Variants in NDST4 observed in about 807,000 individuals in gnomAD.
NDST4 encodes the protein N-deacetylase and N-sulfotransferase 4, also known as N-heparan sulfate sulfotransferase 4.
NDST4 carries 63 observed loss-of-function variants against 100.8 expected under a neutral mutation model. That is an observed-to-expected ratio of 0.62 (90% CI 0.51 to 0.77). The LOEUF is 0.77. Among genes scored for constraint, NDST4 ranks in the 30% least tolerant of loss-of-function variants. The pLI is 0.00. For missense variants in NDST4, 943 were observed against 1,018.4 expected, an observed-to-expected ratio of 0.93 and a Z score of 1.01; for synonymous variants, 377 against 361.8, an observed-to-expected ratio of 1.04 and a Z score of -0.48.
chr4:115,085,213 G>A (rs1363366928), intron 1 of NDST4, among the ~76,000 whole-genome samples: 4 of 152,128 alleles, frequency 2.6e-5, no homozygotes, highest in Non-Finnish European at 5.9e-5. Flanking sequence ...TTTGGTCAAA[G>A]TCTCCCATTT....
intron 7 of NDST4, among the ~76,000 whole-genome samples, chr4:114,857,149 T>G (rs1222452343): frequency 6.6e-6 from 1 of 152,186 alleles, no homozygotes; most frequent in African/African-American, 2.4e-5. Flanking sequence ...TGGCAAGTAC[T>G]TGAAAAGAAT....
At chr4:115,003,542 G>T (rs1402573389) in intron 2 of NDST4, among the ~76,000 whole-genome samples, 3 of 152,020 alleles carry the variant, frequency 2.0e-5, no homozygotes, top group Non-Finnish European at 4.4e-5. Flanking sequence ...AAATTTTTAA[G>T]AATAAATTTA....
chr4:115,015,783 C>T (rs758795724), intron 2 of NDST4, among the ~76,000 whole-genome samples: 1 of 152,102 alleles, frequency 6.6e-6, no homozygotes. Flanking sequence ...ATGTTATCCA[C>T]GGGCTCAGCA....
intron 2 of NDST4, among the ~76,000 whole-genome samples, chr4:115,028,004 G>A (rs1392768104): frequency 1.3e-5 from 2 of 151,574 alleles, no homozygotes; most frequent in African/African-American, 4.9e-5. Flanking sequence ...GATGAGGAGA[G>A]ATTCACCGAT....
intron 2 of NDST4, among the ~76,000 whole-genome samples, chr4:114,994,299 T>G (rs1727113111): frequency 6.6e-6 from 1 of 152,012 alleles, no homozygotes; most frequent in Admixed American, 6.6e-5. Context: ...AATTTAGCAT[T>G]ATATATCTAA....
At chr4:114,832,518 C>G (rs1723222000) in intron 12 of NDST4, among the ~76,000 whole-genome samples, 1 of 152,086 alleles carries the variant, frequency 6.6e-6, no homozygotes, top group Non-Finnish European at 1.5e-5. Flanking sequence ...GTTTGTTATT[C>G]TGCTTCTTTT....
chr4:114,830,545 G>C (rs749971586), intron 12 of NDST4, among the ~76,000 whole-genome samples: 1 of 152,140 alleles, frequency 6.6e-6, no homozygotes, highest in African/African-American at 2.4e-5. Context: ...CTCTAATGTC[G>C]TTTTGCTCAC....
chr4:115,019,156 T>G (rs1464973052), intron 2 of NDST4, among the ~76,000 whole-genome samples: 14 of 152,118 alleles, frequency 9.2e-5, no homozygotes, highest in Admixed American at 9.2e-4. Flanking sequence ...TTTTACTTAA[T>G]GTGTTTTAAT....
chr4:114,845,237 C>G (rs984639707), intron 10 of NDST4, among the ~76,000 whole-genome samples: 1 of 152,010 alleles, frequency 6.6e-6, no homozygotes, highest in African/African-American at 2.4e-5. Flanking sequence ...GAGGCTGAGG[C>G]AGGAGGATAA....
At position 115,068,982 on chromosome 4, in the gene NDST4, A is replaced by G. The variant is rs919158685; in HGVS notation, c.978+7077T>C. Among the ~76,000 whole-genome samples, 96 of 152,204 alleles carry G rather than the reference A, an allele frequency of 6.3e-4. 1 individual carries two copies. Among genetic ancestry groups the G allele is most frequent in the African/African-American group, 2.3e-3 (95 of 41,542 alleles). On this transcript the variant is annotated intron_variant, in intron 2 of 13. Transcript: ENST00000264363. Reference sequence around the variant, plus strand: ...TTGAGGCAAAACTAGATGTATGAGAAAAACTGTCACCTCTTAATTTTGGAG... The same window carrying G: ...TTGAGGCAAAACTAGATGTATGAGAGAAACTGTCACCTCTTAATTTTGGAG...
chr4:115,023,177 A>T (rs186885377), intron 2 of NDST4, among the ~76,000 whole-genome samples: 4 of 152,164 alleles, frequency 2.6e-5, no homozygotes, highest in Admixed American at 2.6e-4. Flanking sequence ...AATCTCACAA[A>T]TCTCCACTGA....
In NDST4 at chr4:114,901,492, G is replaced by A. The variant is rs79583927; in HGVS notation, c.1537-30542C>T. Among the ~76,000 whole-genome samples the A allele has an allele frequency of 4.6e-3, 702 of 151,916 alleles. 2 individuals carry two copies. The highest frequency in any genetic ancestry group is 6.6e-3 in the Non-Finnish European group (446 of 67,872). ...GTGTTAGAATGATTTATCTTTCTCC[G>A]TTTATTTATTTTTAATCTATATGCG... On this transcript the variant is annotated intron_variant, in intron 6 of 13. Coordinates refer to ENST00000264363, the MANE Select transcript of NDST4 (RefSeq NM_022569.3).
intron 4 of NDST4, among the ~76,000 whole-genome samples, chr4:114,964,268 G>C (rs761186424): frequency 3.9e-5 from 6 of 152,122 alleles, no homozygotes; most frequent in Non-Finnish European, 5.9e-5. Flanking sequence ...ATGTGAGCTT[G>C]GCAGCAGGTC....
Position 114,851,181 on chromosome 4 carries a change from G to A in NDST4, c.1816+1544C>T, listed in dbSNP as rs548950499. 1.2e-4 allele frequency among the ~76,000 whole-genome samples: 18 copies of A among 152,262 alleles called. No homozygotes were observed. In the Middle Eastern group the frequency reaches 0.01, roughly 86 times the overall value. On this transcript the variant is annotated intron_variant, in intron 8 of 13. Transcript: ENST00000264363. Reference sequence around the variant, plus strand: ...GCATTTAAGGGAAGATTGGCAGCACGTATTTGTGACCCCCCTGCAGTGAAT... The same window carrying A: ...GCATTTAAGGGAAGATTGGCAGCACATATTTGTGACCCCCCTGCAGTGAAT...
intron 7 of NDST4, among the ~76,000 whole-genome samples, chr4:114,858,926 C>G (rs1378403044): frequency 6.6e-6 from 1 of 152,142 alleles, no homozygotes; most frequent in East Asian, 1.9e-4. Context: ...AGTTACCATC[C>G]TGGTAGGGGT....
intron 2 of NDST4, among the ~76,000 whole-genome samples, chr4:115,021,051 C>T (rs1350084324): frequency 2.6e-5 from 4 of 152,024 alleles, no homozygotes; most frequent in African/African-American, 4.8e-5. Flanking sequence ...CCAGCAATCC[C>T]ACTATTGGGT....
At chr4:115,027,374 G>T (rs1728009621) in intron 2 of NDST4, among the ~76,000 whole-genome samples, 1 of 152,200 alleles carries the variant, frequency 6.6e-6, no homozygotes, top group South Asian at 2.1e-4. Context: ...TGAGATCATT[G>T]TATCTCAACA....
At chr4:114,890,326 G>A (rs960402588) in intron 6 of NDST4, among the ~76,000 whole-genome samples, 16 of 151,908 alleles carry the variant, frequency 1.1e-4, no homozygotes, top group African/African-American at 3.9e-4. Flanking sequence ...AGTAAATTAA[G>A]AATATAAATA....
At chr4:114,883,042 AC>A (rs200109320) in intron 6 of NDST4, among the ~76,000 whole-genome samples, 3 of 152,116 alleles carry the variant, frequency 2.0e-5, no homozygotes, top group Non-Finnish European at 2.9e-5. Flanking sequence ...TCACAGAAAA[AC>A]AAAAAACAGG....
Sources: gnomAD v4.1 joint callset for allele counts (sites outside exome capture counted in the v4.1 genomes callset) on GRCh38, gnomAD v4.1.1 for gene constraint, MANE v1.5 for transcripts, NCBI Gene and HGNC (gene_info 2026-07-23, HGNC 2026-07-21) for gene names.